SNF8: variants seen among roughly 807,000 people sequenced by gnomAD.
SNF8 encodes the protein SNF8 subunit of ESCRT-II, also known as vacuolar-sorting protein SNF8.
SNF8 carries 19 observed loss-of-function variants against 36.8 expected under a neutral mutation model. That is an observed-to-expected ratio of 0.52 (90% CI 0.36 to 0.76). SNF8 has a LOEUF of 0.76. Among genes scored for constraint, SNF8 ranks in the 30% least tolerant of loss-of-function variants. The pLI, the probability that SNF8 is intolerant of heterozygous loss-of-function variation, is 0.00. For synonymous variants in SNF8, 127 were observed against 127.4 expected, an observed-to-expected ratio of 1.00 and a Z score of 0.02; for missense variants, 268 against 322.9, an observed-to-expected ratio of 0.83 and a Z score of 1.30.
intron 6 of SNF8, 147 bp downstream of exon 6, chr17:48,933,058 G>A: frequency 1.3e-6 from 1 of 766,102 alleles, no homozygotes. Flanking sequence ...ATAAATGTCT[G>A]CTGAACAAGC....
chr17:48,933,442 T>G, intron 5 of SNF8, 96 bp from the exon 6 acceptor site: 1 of 1,387,640 alleles, frequency 7.2e-7, no homozygotes, highest in Non-Finnish European at 1.0e-6. Context: ...ACAGAAAATT[T>G]AGAAGACTGC....
Position 48,944,836 on chromosome 17 carries a change from C to A in SNF8, c.-102G>T. Reference sequence around the variant, plus strand: ...CAAGGCGGAAGCCCGAGCCGCGCGTCATCTGCACGCGCCGGAAGCCACGAG... The same window carrying A: ...CAAGGCGGAAGCCCGAGCCGCGCGTAATCTGCACGCGCCGGAAGCCACGAG... On this transcript the variant is annotated 5_prime_UTR_variant, in exon 1 of 8. An upstream start codon of the reference 5' UTR is lost. Transcript: ENST00000502492. The A allele has an allele frequency of 7.2e-7, 1 of 1,392,224 alleles. No homozygotes were observed. Among genetic ancestry groups the A allele is most frequent in the South Asian group, 1.6e-5 (1 of 61,776 alleles). The allele number at this position is 1,392,224 out of a possible 1,614,324, so 86.2% of individuals were successfully genotyped here.
chr17:48,933,296 A>C lies in SNF8; in HGVS notation c.473T>G (p.Phe158Cys), dbSNP rs779020680. Reference protein sequence around the residue: ...IKKLKALGTGFGIIPVGGTYL... With the variant: ...IKKLKALGTGCGIIPVGGTYL... The stretch of plus-strand genomic sequence containing the variant: ...AGTGCCGCCCACAGGGATGATGCCG[A>C]AGCCAGTGCCAAGTGCCTTTAGTTT... The change falls in exon 6 of 8, where the codon TTC (phenylalanine) becomes TGC (cysteine). Residue 158 changes from phenylalanine to cysteine, a missense_variant. Transcript: ENST00000502492. 25 of 1,614,084 alleles carry C rather than the reference A, an allele frequency of 1.5e-5. No homozygotes were observed. Among genetic ancestry groups the C allele is most frequent in the African/African-American group, 2.7e-5 (2 of 74,934 alleles).
chr17:48,931,592 C>T, intron 7 of SNF8, 51 bp downstream of exon 7: 4 of 1,477,160 alleles, frequency 2.7e-6, no homozygotes, highest in Non-Finnish European at 3.7e-6. Flanking sequence ...AACCCACATC[C>T]TCCCAACTGG....
intron 6 of SNF8, 77 bp downstream of exon 6, chr17:48,933,128 C>G: frequency 2.0e-6 from 3 of 1,526,220 alleles, no homozygotes; most frequent in Non-Finnish European, 1.8e-6. Flanking sequence ...TAATGGGGAG[C>G]ACGAGCTGAG....
intron 3 of SNF8, 52 bp from the exon 4 acceptor site, chr17:48,937,176 T>C: frequency 1.5e-6 from 2 of 1,352,532 alleles, no homozygotes; most frequent in Non-Finnish European, 2.1e-6. Context: ...ACATCCCTTC[T>C]TTTCTTTCAA....
chr17:48,936,418 C>A (rs2040934986), intron 4 of SNF8, among the ~76,000 whole-genome samples, 176 bp from the exon 5 acceptor site: 1 of 152,138 alleles, frequency 6.6e-6, no homozygotes, highest in Non-Finnish European at 1.5e-5. Flanking sequence ...ATTCTGAGAC[C>A]TTGCTAGGCC....
intron 5 of SNF8, 139 bp downstream of exon 5, chr17:48,936,031 G>GT (rs59383380): frequency 0.23 from 109,543 of 476,620 alleles, 5,516 homozygotes; most frequent in African/African-American, 0.38. Context: ...TTTGTTTTTT[G>GT]TTTTTTTTTT....
At chr17:48,931,273 G>A (rs2040854192) in intron 7 of SNF8, among the ~76,000 whole-genome samples, 2 of 152,162 alleles carry the variant, frequency 1.3e-5, no homozygotes, top group East Asian at 3.8e-4. Context: ...ATAATGCTTA[G>A]TGGATAATTA....
intron 2 of SNF8, among the ~76,000 whole-genome samples, chr17:48,942,719 A>G (rs538733164): frequency 1.3e-5 from 2 of 152,250 alleles, no homozygotes; most frequent in African/African-American, 4.8e-5. Flanking sequence ...ACCTAAATCA[A>G]TAACAGCTCT....
intron 3 of SNF8, among the ~76,000 whole-genome samples, chr17:48,939,040 C>G (rs1405458915): frequency 6.6e-6 from 1 of 151,438 alleles, no homozygotes. Flanking sequence ...GGGTGGATCA[C>G]GAGGTCAGGA....
At chr17:48,935,871 A>C in intron 5 of SNF8, 2 of 274,048 alleles carry the variant, frequency 7.3e-6, no homozygotes, top group Non-Finnish European at 1.4e-5. Context: ...CATGCCTATA[A>C]TCCCAACTAC....
chr17:48,940,818 G>A (rs1211313881), intron 3 of SNF8, 106 bp downstream of exon 3: 1 of 1,309,150 alleles, frequency 7.6e-7, no homozygotes. Flanking sequence ...GGGTCTTCCT[G>A]CAGGCCTTTC....
At chr17:48,937,933 T>A (rs1350519492) in intron 3 of SNF8, among the ~76,000 whole-genome samples, 11 of 104,518 alleles carry the variant, frequency 1.1e-4, no homozygotes, top group African/African-American at 2.2e-4. Context: ...TCAAAAAAAA[T>A]AAATAAATAA....
At chr17:48,940,683 G>A (rs556183118) in intron 3 of SNF8, among the ~76,000 whole-genome samples, 9 of 152,182 alleles carry the variant, frequency 5.9e-5, no homozygotes, top group South Asian at 4.2e-4. Context: ...CCAGCTACTC[G>A]GGAGGCTGAG....
chr17:48,933,498 T>G, intron 5 of SNF8, 152 bp from the exon 6 acceptor site: 1 of 819,402 alleles, frequency 1.2e-6, no homozygotes, highest in Non-Finnish European at 1.9e-6. Flanking sequence ...GCAACACTTT[T>G]GGGATGCCCA....
chr17:48,941,001 T>G lies in SNF8; in HGVS notation c.167A>C (p.Gln56Pro). The change falls in exon 3 of 8, where the codon CAG becomes CCG. Residue 56 changes from glutamine (Q) to proline (P), a missense_variant. Coordinates refer to ENST00000502492, the MANE Select transcript of SNF8 (RefSeq NM_007241.4). ...GAACTCAGGATTCTTCCGGATCTCCTGCTTGTGTTTGCTGGCAAATTCCTC... is the reference window on the plus strand; with the variant it reads ...GAACTCAGGATTCTTCCGGATCTCCGGCTTGTGTTTGCTGGCAAATTCCTC... ...NLEEFASKHK[Q>P]EIRKNPEFRV... is the part of the protein sequence containing the mutation. 1.2e-6 allele frequency: 2 copies of G among 1,613,796 alleles called. No homozygotes were observed. Among genetic ancestry groups the G allele is most frequent in the Non-Finnish European group, 1.7e-6 (2 of 1,179,994 alleles).
intron 1 of SNF8, among the ~76,000 whole-genome samples, chr17:48,944,406 C>T (rs1372223090): frequency 6.6e-6 from 1 of 152,220 alleles, no homozygotes; most frequent in Non-Finnish European, 1.5e-5. Context: ...AAATTGTTTT[C>T]TTAGGGAGAA....
chr17:48,939,520 C>G (rs9747646), intron 3 of SNF8, among the ~76,000 whole-genome samples: 1 of 145,250 alleles, frequency 6.9e-6, no homozygotes, highest in South Asian at 2.2e-4. Flanking sequence ...TGTGCAGGGG[C>G]GCGACCTTGG....
Sources: gnomAD v4.1 joint callset for allele counts (sites outside exome capture counted in the v4.1 genomes callset) on GRCh38, gnomAD v4.1.1 for gene constraint, MANE v1.5 for transcripts, NCBI Gene and HGNC (gene_info 2026-07-23, HGNC 2026-07-21) for gene names.